The following UBE4B variants were observed in gnomAD, a reference collection of about 807,000 sequenced individuals.
UBE4B encodes the protein ubiquitin conjugation factor E4 B.
Under a neutral mutation model 148.1 loss-of-function variants are expected in UBE4B, and 27 were observed. The observed-to-expected ratio is 0.18, with a 90% CI of 0.13 to 0.25. The LOEUF is 0.25. Ranked by LOEUF, UBE4B falls within the 10% of genes least tolerant of loss-of-function variation. The pLI, the probability that UBE4B is intolerant of heterozygous loss-of-function variation, is 1.00. For synonymous variants in UBE4B, 596 were observed against 619.3 expected (o/e 0.96, Z 0.56); for missense variants, 1,170 against 1,662.4 (o/e 0.70, Z 5.15).
chr1:10,120,274 A>G (rs1254596297), intron 9 of UBE4B, among the ~76,000 whole-genome samples: 1 of 152,086 alleles, frequency 6.6e-6, no homozygotes, highest in Non-Finnish European at 1.5e-5. Flanking sequence ...TAATCCCAGC[A>G]CTTTGGGAGG....
chr1:10,065,463 CCT>C (rs1207383376), intron 1 of UBE4B, among the ~76,000 whole-genome samples: 1 of 152,166 alleles, frequency 6.6e-6, no homozygotes, highest in Non-Finnish European at 1.5e-5. Context: ...ATTCACCACC[CCT>C]GTCTGGGGAA....
chr1:10,040,121 C>G (rs889357501), intron 1 of UBE4B, among the ~76,000 whole-genome samples: 135 of 142,918 alleles, frequency 9.4e-4, no homozygotes, highest in African/African-American at 3.2e-3. Context: ...GCACATGTTT[C>G]TTTTTTTTTT....
intron 25 of UBE4B, among the ~76,000 whole-genome samples, chr1:10,176,147 A>G (rs144068373): frequency 6.5e-4 from 99 of 152,296 alleles, no homozygotes; most frequent in African/African-American, 1.9e-3. Context: ...TCATGTTTCA[A>G]GGTTCATTTG....
chr1:10,131,624 C>T (rs1645594826), intron 14 of UBE4B, among the ~76,000 whole-genome samples: 4 of 152,038 alleles, frequency 2.6e-5, no homozygotes, highest in Admixed American at 2.6e-4. Context: ...AATCCCAACA[C>T]TTTGGGAGGC....
chr1:10,097,451 T>G (rs1396391966), intron 3 of UBE4B, among the ~76,000 whole-genome samples: 1 of 152,202 alleles, frequency 6.6e-6, no homozygotes, highest in Non-Finnish European at 1.5e-5. Flanking sequence ...TTCCACATTT[T>G]TTTCTCTACT....
rs570386728 is a variant in UBE4B, at chr1:10,164,876, A to G, written c.3199-3260A>G. Among the ~76,000 whole-genome samples, 4 of 152,282 alleles carry G rather than the reference A, an allele frequency of 2.6e-5. No homozygotes were observed. The East Asian group carries it at 7.7e-4, about 29-fold the overall frequency. ...AATTTTGAGCCTAGTGGAATTTGGT[A>G]TAATAATAACTCATGATGAGAAACC... On this transcript the variant is annotated intron_variant, in intron 23 of 27. Coordinates refer to ENST00000343090, the MANE Select transcript of UBE4B (RefSeq NM_001105562.3).
chr1:10,068,186 A>G (rs1301685533), intron 1 of UBE4B, among the ~76,000 whole-genome samples: 3 of 151,030 alleles, frequency 2.0e-5, no homozygotes, highest in Non-Finnish European at 4.4e-5. Flanking sequence ...CTACCACCAC[A>G]CCTGGCTAAT....
At chr1:10,070,552 G>A (rs1250769207) in intron 1 of UBE4B, among the ~76,000 whole-genome samples, 1 of 151,350 alleles carries the variant, frequency 6.6e-6, no homozygotes, top group Non-Finnish European at 1.5e-5. Flanking sequence ...CAAACTAATG[G>A]TATAGTTTAG....
At chr1:10,041,653 C>T (rs947673507) in intron 1 of UBE4B, among the ~76,000 whole-genome samples, 10 of 151,988 alleles carry the variant, frequency 6.6e-5, no homozygotes, top group South Asian at 6.2e-4. Context: ...AGCATTCTTA[C>T]GGTCCCTTCT....
intron 1 of UBE4B, among the ~76,000 whole-genome samples, chr1:10,041,199 T>A: frequency 6.6e-6 from 1 of 152,076 alleles, no homozygotes; most frequent in Admixed American, 6.6e-5. Context: ...TAATAGAAAT[T>A]AATTTATTGA....
In UBE4B at chr1:10,035,685, CGT is replaced by C. The variant is rs1334114727; in HGVS notation, c.24+1993_24+1994del. Among the ~76,000 whole-genome samples the C allele has an allele frequency of 2.8e-5, 4 of 144,686 alleles. No individual in the cohort carries two copies. In the East Asian group the frequency reaches 8.5e-4, roughly 31 times the overall value. The allele number at this position is 144,686 out of a possible 152,430, so 94.9% of individuals were successfully genotyped here. On this transcript the variant is annotated intron_variant, in intron 1 of 27. Coordinates refer to ENST00000343090, the MANE Select transcript of UBE4B (RefSeq NM_001105562.3). ...CCTCCCAAAGTGCTGGGATTACAGGCGTGAGCCACCGTGACCGGCCAGAGATA... is the reference window on the plus strand; with the variant it reads ...CCTCCCAAAGTGCTGGGATTACAGGCGAGCCACCGTGACCGGCCAGAGATA...
At chr1:10,136,774 C>G (rs1167394700) in intron 16 of UBE4B, among the ~76,000 whole-genome samples, 5 of 151,944 alleles carry the variant, frequency 3.3e-5, no homozygotes, top group Non-Finnish European at 7.4e-5. Context: ...GCAAAAGTAG[C>G]CAGGTGTGGT....
chr1:10,175,554 G>T (rs759647809), intron 25 of UBE4B, among the ~76,000 whole-genome samples: 1 of 152,040 alleles, frequency 6.6e-6, no homozygotes, highest in East Asian at 1.9e-4. Context: ...GGGAGGCTGA[G>T]GCAGGAGAAT....
At chr1:10,067,278 GAAAC>G (rs1325050251) in intron 1 of UBE4B, among the ~76,000 whole-genome samples, 4 of 152,230 alleles carry the variant, frequency 2.6e-5, no homozygotes, top group African/African-American at 7.2e-5. Flanking sequence ...AATAAGAACT[GAAAC>G]AGACAAGAAA....
At chr1:10,096,980 A>C (rs767659841) in intron 3 of UBE4B, among the ~76,000 whole-genome samples, 2 of 151,830 alleles carry the variant, frequency 1.3e-5, no homozygotes, top group African/African-American at 2.4e-5. Context: ...TGTAGGCTAC[A>C]GTGAACTGAG....
intron 14 of UBE4B, 125 bp downstream of exon 14, chr1:10,130,938 A>G: frequency 1.3e-6 from 1 of 752,544 alleles, no homozygotes; most frequent in Non-Finnish European, 2.2e-6. Context: ...TCGATCTTAC[A>G]TAAAAAAGAT....
rs1403632654 is a variant in UBE4B at position 10,106,369 on chromosome 1, C to T, written c.982C>T (p.Pro328Ser). The part of the protein sequence containing the change: ...GTAAGSQPSS[P>S]RYRPYTVTHP... The stretch of plus-strand genomic sequence containing the variant: ...TGCTGCGGGAAGCCAGCCTTCATCC[C>T]CGCGGTATCGCCCCTACACTGTCAC... Residue 328 changes from proline (P) to serine (S), a missense_variant, in exon 7 of 28, where the codon CCG becomes TCG. Coordinates refer to ENST00000343090, the MANE Select transcript of UBE4B (RefSeq NM_001105562.3). This position sits in a 1 kb window ranked among gnomAD's most constrained non-coding sequence, Gnocchi z 4.2. 6.2e-7 allele frequency: 1 copy of T among 1,613,748 alleles called. No individual in the cohort carries two copies. Among genetic ancestry groups the T allele is most frequent in the African/African-American group, 1.3e-5 (1 of 74,930 alleles).
intron 21 of UBE4B, among the ~76,000 whole-genome samples, chr1:10,153,490 TAAAAAAAAAAAA>T (rs1045427991): frequency 2.6e-4 from 13 of 49,200 alleles, no homozygotes; most frequent in East Asian, 6.7e-4. Flanking sequence ...ACCCTGTTTC[TAAAAAAAAAAAA>T]AAAAAAAAAA....
At chr1:10,090,793 TTGTGTGTGTGTGTGTGTG>T (rs57486350) in intron 2 of UBE4B, among the ~76,000 whole-genome samples, 7 of 141,404 alleles carry the variant, frequency 5.0e-5, no homozygotes, top group East Asian at 2.1e-4. Flanking sequence ...GCCTATGCAT[TTGTGTGTGTGTGTGTGTG>T]TGTGTGTGTG....
Sources: allele counts gnomAD v4.1 joint callset (sites outside exome capture counted in the v4.1 genomes callset), GRCh38; gene constraint gnomAD v4.1.1; non-coding constraint Gnocchi (gnomAD v3.1); transcripts MANE v1.5; gene names NCBI Gene and HGNC (gene_info 2026-07-23, HGNC 2026-07-21).